Variants in RTN3 observed in about 807,000 individuals in gnomAD.
RTN3 encodes reticulon 3, also known as reticulon-3.
RTN3 carries 49 observed loss-of-function variants against 77.8 expected under a neutral mutation model. The observed-to-expected ratio is 0.63, with a 90% CI of 0.50 to 0.80. The LOEUF is 0.80. Among genes scored for constraint, RTN3 ranks in the 30% least tolerant of loss-of-function variants. RTN3 has a pLI of 0.00. For synonymous variants in RTN3, 464 were observed against 446.9 expected, an observed-to-expected ratio of 1.04 and a Z score of -0.48; for missense variants, 1,236 against 1,211.9, an observed-to-expected ratio of 1.02 and a Z score of -0.29.
At chr11:63,748,914 C>T (rs1590886267) in intron 3 of RTN3, among the ~76,000 whole-genome samples, 1 of 151,602 alleles carries the variant, frequency 6.6e-6, no homozygotes, top group South Asian at 2.1e-4. Flanking sequence ...GTGATCCGCC[C>T]GCCTTGGTCT....
Position 63,758,145 on chromosome 11 carries a change from T to A in RTN3, c.3054-11T>A. 1 of 1,562,818 alleles carries A rather than the reference T, an allele frequency of 6.4e-7. No homozygotes were observed. Among genetic ancestry groups the A allele is most frequent in the Non-Finnish European group, 8.7e-7 (1 of 1,151,576 alleles). On this transcript the variant is annotated splice_polypyrimidine_tract_variant and intron_variant, in intron 8 of 8. Transcript: ENST00000377819. ...TCACTTTCTTTCTTTTTCCCCTCCT[T>A]TTCTCAATAGGATCCAAGCAAAACT...
At chr11:63,685,122 C>G (rs1252060682) in intron 1 of RTN3, among the ~76,000 whole-genome samples, 2 of 152,116 alleles carry the variant, frequency 1.3e-5, no homozygotes, top group African/African-American at 4.8e-5. Flanking sequence ...CTAAAAAGCA[C>G]TAATACAGTT....
Position 63,759,117 on chromosome 11 carries a change from T to C in RTN3, c.*916T>C, listed in dbSNP as rs1314249741. The C allele has an allele frequency of 6.6e-6, 1 of 152,256 alleles. No individual in the cohort carries two copies. Among genetic ancestry groups the C allele is most frequent in the African/African-American group, 2.4e-5 (1 of 41,468 alleles). The allele number at this position is 152,256 out of a possible 1,614,324, so 9.4% of individuals were successfully genotyped here. ...AGAAAAAAATAACCTGCATGTGGGC[T>C]CCTCAGTTATTGAGTTTTTGTGATC... On this transcript the variant is annotated 3_prime_UTR_variant, in exon 9 of 9. Coordinates refer to ENST00000377819, the MANE Select transcript of RTN3 (RefSeq NM_001265589.2).
intron 3 of RTN3, among the ~76,000 whole-genome samples, chr11:63,724,508 TA>T (rs1337620457): frequency 8.1e-6 from 1 of 123,514 alleles, no homozygotes; most frequent in African/African-American, 3.5e-5. Context: ...TTTTTTTTTT[TA>T]AAGACAGAGT....
chr11:63,726,086 A>G (rs1181086122), intron 3 of RTN3, among the ~76,000 whole-genome samples: 1 of 152,224 alleles, frequency 6.6e-6, no homozygotes. Flanking sequence ...CTACATATAC[A>G]GGGAATCTGA....
chr11:63,696,543 ATTTTTT>A (rs71039663), intron 1 of RTN3, among the ~76,000 whole-genome samples: 1 of 118,356 alleles, frequency 8.4e-6, no homozygotes, highest in South Asian at 2.9e-4. Context: ...CCCTGTCACT[ATTTTTT>A]TTTTTTTTTT....
Position 63,720,579 on chromosome 11 carries a change from T to C in RTN3, c.2077T>C (p.Leu693=). ...TAAAACAACTCCTCCTGTAGAAGTC[T>C]TACATGAAAATGAGTCCGGTGGTTC... ...DFKTTPPVEV[L]HENESGGSEI... The change falls in exon 3 of 9, where the codon TTA becomes CTA. Residue 693 remains leucine (L), a synonymous_variant. Transcript: ENST00000377819. The C allele has an allele frequency of 1.2e-6, 2 of 1,614,034 alleles. No individual in the cohort carries two copies. Among genetic ancestry groups the C allele is most frequent in the Non-Finnish European group, 1.7e-6 (2 of 1,179,988 alleles).
intron 2 of RTN3, chr11:63,714,143 G>A (rs895582632): frequency 8.8e-6 from 4 of 452,988 alleles, no homozygotes; most frequent in African/African-American, 4.0e-5. Context: ...CATTGTCTTG[G>A]TACAGGTCAG....
chr11:63,681,824 G>T (rs1180317739), intron 1 of RTN3, 46 bp downstream of exon 1: 6 of 1,491,460 alleles, frequency 4.0e-6, no homozygotes, highest in Non-Finnish European at 2.7e-6. Context: ...GGGCGAGCGG[G>T]AGCCTGGGGG....
chr11:63,723,387 T>G (rs2011960664), intron 3 of RTN3, among the ~76,000 whole-genome samples: 1 of 151,738 alleles, frequency 6.6e-6, no homozygotes, highest in Non-Finnish European at 1.5e-5. Flanking sequence ...TTCAGTAAAA[T>G]GCATCAGTGT....
At chr11:63,723,416 C>CTT (rs747766171) in intron 3 of RTN3, among the ~76,000 whole-genome samples, 24 of 136,280 alleles carry the variant, frequency 1.8e-4, no homozygotes, top group African/African-American at 5.6e-4. Flanking sequence ...ATTTATTTAT[C>CTT]TTTTTTTTTT....
In RTN3 at chr11:63,719,383, T is replaced by G. The variant is rs1205441103; in HGVS notation, c.881T>G (p.Leu294Arg). The G allele has an allele frequency of 1.2e-6, 2 of 1,614,146 alleles. No homozygotes were observed. ...GACATTTCAGAGACTAATGACAAGC[T>G]TTTTCCACTGAGAAATAAAGAGGCA... ...SEDISETNDK[L>R]FPLRNKEAGR... Residue 294 changes from leucine (L) to arginine (R), a missense_variant, in exon 3 of 9, where the codon CTT (leucine) becomes CGT (arginine). Physicochemically the swap from Leu to Arg is moderately radical, Grantham distance 102. Coordinates refer to ENST00000377819, the MANE Select transcript of RTN3 (RefSeq NM_001265589.2).
intron 3 of RTN3, among the ~76,000 whole-genome samples, chr11:63,739,257 A>G (rs1056289492): frequency 6.6e-6 from 1 of 152,000 alleles, no homozygotes; most frequent in African/African-American, 2.4e-5. Context: ...GGTCCTTTAA[A>G]TGAAAAAAAA....
intron 7 of RTN3, among the ~76,000 whole-genome samples, chr11:63,755,317 TG>T (rs1405354223): frequency 2.6e-5 from 4 of 152,130 alleles, no homozygotes; most frequent in Non-Finnish European, 5.9e-5. Context: ...GGGGTGTTTA[TG>T]GTGTAATTTG....
At position 63,719,081 on chromosome 11, in the gene RTN3, G is replaced by A; in HGVS notation, c.579G>A (p.Arg193=). Residue 193 remains arginine, a synonymous_variant, in exon 3 of 9, where the codon AGG becomes AGA. Coordinates refer to ENST00000377819, the MANE Select transcript of RTN3 (RefSeq NM_001265589.2). ...AGAACCCAAATGGGGTATCAAGTAG[G>A]GAGGCTAAAACTGCATTGGATGCTG... is the stretch of plus-strand genomic sequence containing the variant. ...ETKNPNGVSS[R]EAKTALDADD... 2 of 1,614,116 alleles carry A rather than the reference G, an allele frequency of 1.2e-6. No homozygotes were observed. The highest frequency in any genetic ancestry group is 2.7e-5 in the African/African-American group (2 of 75,040).
intron 1 of RTN3, among the ~76,000 whole-genome samples, chr11:63,690,788 C>T (rs1941613885): frequency 6.6e-6 from 1 of 152,188 alleles, no homozygotes; most frequent in Non-Finnish European, 1.5e-5. Flanking sequence ...AACATGCTTT[C>T]ACAACAGCTT....
intron 1 of RTN3, among the ~76,000 whole-genome samples, chr11:63,696,864 T>G (rs1941972516): frequency 1.7e-5 from 1 of 59,984 alleles, no homozygotes; most frequent in African/African-American, 5.4e-5. Flanking sequence ...CTATTTTCTT[T>G]CTTTCTTTCT....
In RTN3 at chr11:63,720,529, C is replaced by T. The variant is rs200262067; in HGVS notation, c.2027C>T (p.Ala676Val). ...IVDSERNAFKAISEKMTDFKT... is the reference protein window; with the variant it reads ...IVDSERNAFKVISEKMTDFKT... ...GATAGTGAAAGAAATGCTTTTAAAG[C>T]AATATCAGAGAAGATGACAGACTTT... Residue 676 changes from alanine to valine, a missense_variant, in exon 3 of 9, where the codon GCA becomes GTA. By Grantham distance (64) the Ala-to-Val change is moderately conservative (BLOSUM62 0). This residue lies in a region of RTN3 where 1,056 missense variants were observed against 990.4 expected (regional missense o/e 1.07). Transcript: ENST00000377819. 11 of 1,613,934 alleles carry T rather than the reference C, an allele frequency of 6.8e-6. No individual in the cohort carries two copies. The East Asian group carries it at 1.1e-4, about 16-fold the overall frequency.
chr11:63,710,618 C>T lies in RTN3; in HGVS notation c.199+5711C>T, dbSNP rs940775677. On this transcript the variant is annotated intron_variant, in intron 2 of 8. Transcript: ENST00000377819. ...CAAGCCCATCTATGTGAGGAGAAGC[C>T]GTGACAGTGGCTCCTCCTGTGGGAT... Among the ~76,000 whole-genome samples the T allele has an allele frequency of 3.9e-5, 6 of 152,210 alleles. No individual in the cohort carries two copies. In the East Asian group the frequency reaches 5.8e-4, roughly 15 times the overall value.
Sources: gnomAD v4.1 joint callset for allele counts (sites outside exome capture counted in the v4.1 genomes callset) on GRCh38, gnomAD v4.1.1 for gene constraint, gnomAD v4.1.1 regional missense constraint, MANE v1.5 for transcripts, NCBI Gene and HGNC (gene_info 2026-07-23, HGNC 2026-07-21) for gene names.